IQGAP1: variants seen among roughly 807,000 people sequenced by gnomAD.
The protein encoded by IQGAP1 is ras GTPase-activating-like protein IQGAP1.
IQGAP1 carries 66 observed loss-of-function variants against 215.6 expected under a neutral mutation model. The ratio of observed to expected loss-of-function variants is 0.31; its 90% CI spans 0.25 to 0.38. The LOEUF is 0.38. Ranked by LOEUF, IQGAP1 falls within the 10% of genes least tolerant of loss-of-function variation. The probability of loss-of-function intolerance (pLI) is 1.00; values close to 1 mark genes in which losing one functional copy is unlikely to be tolerated. For missense variants in IQGAP1, 1,712 were observed against 1,997.1 expected, an observed-to-expected ratio of 0.86 and a Z score of 2.72; for synonymous variants, 772 against 728.7, an observed-to-expected ratio of 1.06 and a Z score of -0.96.
intron 5 of IQGAP1, among the ~76,000 whole-genome samples, chr15:90,438,715 C>T (rs1394433514): frequency 6.6e-6 from 1 of 151,466 alleles, no homozygotes; most frequent in Non-Finnish European, 1.5e-5. Context: ...ATTATATTAA[C>T]ATTAATGTTA....
chr15:90,481,688 C>T (rs866346519), intron 26 of IQGAP1, among the ~76,000 whole-genome samples: 14 of 152,172 alleles, frequency 9.2e-5, no homozygotes, highest in Non-Finnish European at 1.9e-4. Flanking sequence ...TCGCTCCCAC[C>T]AGACTGTAAA....
In IQGAP1 at chr15:90,466,293, A is replaced by C; in HGVS notation, c.1892A>C (p.Asn631Thr). The change falls in exon 17 of 38, where the codon AAT (asparagine) becomes ACT (threonine). Residue 631 changes from asparagine (N) to threonine (T), a missense_variant. By Grantham distance (65) the Asn-to-Thr change is moderately conservative (BLOSUM62 0). Transcript: ENST00000268182. ...GTTGCCTTAGGAATCTTTGCCATTAATGAGGCAGTAGAAAGTGGTGATGTT... is the reference window on the plus strand; with the variant it reads ...GTTGCCTTAGGAATCTTTGCCATTACTGAGGCAGTAGAAAGTGGTGATGTT... ...QKFALGIFAI[N>T]EAVESGDVGK... The C allele has an allele frequency of 6.2e-7, 1 of 1,614,166 alleles. No homozygotes were observed. The highest frequency in any genetic ancestry group is 8.5e-7 in the Non-Finnish European group (1 of 1,180,022).
chr15:90,442,167 A>G (rs16944427), intron 8 of IQGAP1, among the ~76,000 whole-genome samples: 2,417 of 152,284 alleles, frequency 0.016, 61 homozygotes, highest in African/African-American at 0.054. Flanking sequence ...GTTTGTGTAC[A>G]GTTGTTATGG....
chr15:90,492,396 T>C, intron 34 of IQGAP1, 149 bp from the exon 35 acceptor site: 1 of 570,098 alleles, frequency 1.8e-6, no homozygotes, highest in Non-Finnish European at 2.8e-6. Context: ...CACTGCACAC[T>C]CGAGCCTGGG....
At chr15:90,443,722 C>A (rs1965484969) in intron 9 of IQGAP1, among the ~76,000 whole-genome samples, 1 of 152,146 alleles carries the variant, frequency 6.6e-6, no homozygotes, top group Non-Finnish European at 1.5e-5. Context: ...GCTACAGTTT[C>A]ACTCTTTCAC....
At chr15:90,485,252 G>C (rs1388762599) in intron 30 of IQGAP1, among the ~76,000 whole-genome samples, 1 of 152,156 alleles carries the variant, frequency 6.6e-6, no homozygotes, top group Non-Finnish European at 1.5e-5. Context: ...TGAAGACTTT[G>C]TTGAGTGCCC....
At chr15:90,417,100 G>C (rs373931526) in intron 2 of IQGAP1, among the ~76,000 whole-genome samples, 31 of 152,234 alleles carry the variant, frequency 2.0e-4, no homozygotes, top group East Asian at 1.2e-3. Flanking sequence ...GTAGATTCTG[G>C]ATATTAGCCC....
At chr15:90,444,298 T>TTTTC (rs1261785813) in intron 9 of IQGAP1, among the ~76,000 whole-genome samples, 1 of 150,920 alleles carries the variant, frequency 6.6e-6, no homozygotes, top group East Asian at 1.9e-4. Context: ...TATTTTTTTT[T>TTTTC]TTCTTTAAGA....
At chr15:90,480,840 G>T (rs1966048212) in intron 26 of IQGAP1, among the ~76,000 whole-genome samples, 1 of 152,190 alleles carries the variant, frequency 6.6e-6, no homozygotes, top group Non-Finnish European at 1.5e-5. Flanking sequence ...GCTAATTTTT[G>T]TATTTATAGT....
intron 33 of IQGAP1, among the ~76,000 whole-genome samples, chr15:90,490,909 C>T (rs1368153118): frequency 1.3e-5 from 2 of 152,102 alleles, no homozygotes; most frequent in East Asian, 1.9e-4. Context: ...CCTGGGTTCA[C>T]GCCATTCTCC....
rs770471372 is a variant in IQGAP1, at chr15:90,452,936, G to A, written c.1324G>A (p.Glu442Lys). Residue 442 changes from glutamate to lysine, a missense_variant and splice_region_variant, in exon 12 of 38, where the codon GAA (glutamate) becomes AAA (lysine). This residue lies in a region of IQGAP1 where 1,021 missense variants were observed against 1,074.2 expected (regional missense o/e 0.95). Coordinates refer to ENST00000268182, the MANE Select transcript of IQGAP1 (RefSeq NM_003870.4). ...ELATLQRQSP[E>K]HNLTHPELSV... ...GGCTACCCTGCAGCGACAAAGTCCT[G>A]AAGTGAGTTCACTAAACCTGTCCTG... 6.2e-7 allele frequency: 1 copy of A among 1,613,756 alleles called. No homozygotes were observed. The highest frequency in any genetic ancestry group is 8.5e-7 in the Non-Finnish European group (1 of 1,179,972).
chr15:90,397,510 C>CTTTTTTT (rs892748490), intron 2 of IQGAP1, among the ~76,000 whole-genome samples: 5 of 106,404 alleles, frequency 4.7e-5, no homozygotes, highest in East Asian at 2.8e-4. Context: ...ACTCAACAAA[C>CTTTTTTT]TTTTTTTTTT....
chr15:90,419,288 G>A (rs1366675523), intron 2 of IQGAP1, among the ~76,000 whole-genome samples: 2 of 152,188 alleles, frequency 1.3e-5, no homozygotes, highest in African/African-American at 4.8e-5. Context: ...TTCAGAGGTT[G>A]TTGCAAAGAT....
intron 16 of IQGAP1, 32 bp downstream of exon 16, chr15:90,466,123 T>C: frequency 3.1e-6 from 5 of 1,607,086 alleles, no homozygotes; most frequent in Non-Finnish European, 4.3e-6. Context: ...TCTGTTTTGG[T>C]GGAGGCTGGG....
At chr15:90,394,135 CAAAAAAA>C (rs56810085) in intron 2 of IQGAP1, among the ~76,000 whole-genome samples, 3 of 74,394 alleles carry the variant, frequency 4.0e-5, no homozygotes, top group Non-Finnish European at 7.2e-5. Flanking sequence ...AACTCTGTCT[CAAAAAAA>C]AAAAAAAAAA....
At chr15:90,430,533 T>C (rs1965287696) in intron 4 of IQGAP1, among the ~76,000 whole-genome samples, 1 of 152,168 alleles carries the variant, frequency 6.6e-6, no homozygotes, top group Non-Finnish European at 1.5e-5. Flanking sequence ...TTTAAAAGGA[T>C]ATCAACCCAA....
chr15:90,398,968 G>A (rs1189102939), intron 2 of IQGAP1, among the ~76,000 whole-genome samples: 1 of 138,736 alleles, frequency 7.2e-6, no homozygotes, highest in Non-Finnish European at 1.5e-5. Context: ...TCACGCCACT[G>A]TACTGCAGCC....
In IQGAP1 at chr15:90,395,607, A is replaced by G. The variant is rs563482733; in HGVS notation, c.155+4734A>G. Among the ~76,000 whole-genome samples, 6 of 152,356 alleles carry G rather than the reference A, an allele frequency of 3.9e-5. No homozygotes were observed. In the East Asian group the frequency reaches 5.8e-4, roughly 15 times the overall value. ...AGTGCTGGGATTACAGGCGTGAGCC[A>G]CTGCGCCCGGCCGGCTAAAGAGCAG... On this transcript the variant is annotated intron_variant, in intron 2 of 37. Coordinates refer to ENST00000268182, the MANE Select transcript of IQGAP1 (RefSeq NM_003870.4).
Position 90,483,365 on chromosome 15 carries a change from T to C in IQGAP1, c.3560T>C (p.Ile1187Thr). Residue 1187 changes from isoleucine to threonine, a missense_variant, in exon 29 of 38, where the codon ATT becomes ACT. Physicochemically the swap from Ile to Thr is moderately conservative, Grantham distance 89. Transcript: ENST00000268182. ...DAGEDELLKIIGNLLYYRYMN... is the reference protein window; with the variant it reads ...DAGEDELLKITGNLLYYRYMN... ...TTTCTGTTTCGTCTGTTCCAGATTATTGGTAACTTGCTTTATTATCGATAC... is the reference window on the plus strand; with the variant it reads ...TTTCTGTTTCGTCTGTTCCAGATTACTGGTAACTTGCTTTATTATCGATAC... 1.2e-6 allele frequency: 2 copies of C among 1,611,096 alleles called. No individual in the cohort carries two copies. The highest frequency in any genetic ancestry group is 1.3e-5 in the African/African-American group (1 of 74,976).
Sources: allele counts gnomAD v4.1 joint callset (sites outside exome capture counted in the v4.1 genomes callset), GRCh38; gene constraint gnomAD v4.1.1; regional missense constraint gnomAD v4.1.1; transcripts MANE v1.5; gene names NCBI Gene and HGNC (gene_info 2026-07-23, HGNC 2026-07-21).